The following ZFHX3 variants were observed in gnomAD, a reference collection of about 807,000 sequenced individuals.
ZFHX3 encodes the protein zinc finger homeobox protein 3.
ZFHX3 carries 42 observed loss-of-function variants against 279.1 expected under a neutral mutation model. That is an observed-to-expected ratio of 0.15 (90% CI 0.12 to 0.19). The LOEUF (loss-of-function observed/expected upper bound fraction) is 0.19. ZFHX3 is among the 10% of genes least tolerant of loss of function. ZFHX3 has a pLI of 1.00. For missense variants in ZFHX3, 4,981 were observed against 4,754.0 expected (o/e 1.05, Z -1.40); for synonymous variants, 2,293 against 1,957.8 (o/e 1.17, Z -4.52).
chr16:73,887,046 A>G (rs1258649676), intron 1 of ZFHX3, among the ~76,000 whole-genome samples: 3 of 152,210 alleles, frequency 2.0e-5, no homozygotes, highest in East Asian at 1.9e-4. Flanking sequence ...TCAAAAATCC[A>G]TATGGTCACC....
intron 5 of ZFHX3, among the ~76,000 whole-genome samples, chr16:73,219,795 A>G (rs2012347816): frequency 6.6e-6 from 1 of 152,166 alleles, no homozygotes; most frequent in South Asian, 2.1e-4. Flanking sequence ...TTTGAAAAAT[A>G]TGTTTGGAGG....
At chr16:73,562,485 A>G (rs1343491226) in intron 2 of ZFHX3, among the ~76,000 whole-genome samples, 10 of 150,808 alleles carry the variant, frequency 6.6e-5, no homozygotes, top group Non-Finnish European at 1.5e-5. Context: ...AATCCCAGCT[A>G]CTCCGGAGGC....
At chr16:73,226,302 G>A (rs1168447055) in intron 5 of ZFHX3, among the ~76,000 whole-genome samples, 2 of 152,212 alleles carry the variant, frequency 1.3e-5, no homozygotes, top group Non-Finnish European at 2.9e-5. Flanking sequence ...ATAAGACAGC[G>A]CGGAACTCTA....
chr16:73,680,932 G>A (rs1225094940), intron 1 of ZFHX3, among the ~76,000 whole-genome samples: 2 of 152,162 alleles, frequency 1.3e-5, no homozygotes. Flanking sequence ...CAGAGTATAC[G>A]GGAAAGATAC....
chr16:73,719,555 T>C (rs936933779), intron 1 of ZFHX3, among the ~76,000 whole-genome samples: 2 of 152,200 alleles, frequency 1.3e-5, no homozygotes, highest in African/African-American at 4.8e-5. Context: ...ACACCAAGAA[T>C]GATGGAAAAT....
At chr16:72,982,460 C>A (rs947815818) in intron 1 of ZFHX3, among the ~76,000 whole-genome samples, 1 of 152,116 alleles carries the variant, frequency 6.6e-6, no homozygotes, top group Non-Finnish European at 1.5e-5. Flanking sequence ...AGAATAAAGA[C>A]AGAAACCTAC....
chr16:73,257,677 C>T (rs147507076), intron 4 of ZFHX3, among the ~76,000 whole-genome samples: 88 of 152,314 alleles, frequency 5.8e-4, no homozygotes, highest in African/African-American at 1.9e-3. Flanking sequence ...CTAAGCAGTT[C>T]TTCTATTCAG....
At position 73,891,738 on chromosome 16, in the gene ZFHX3, T is replaced by TTCTCTCTCTCTCTCTCTCTCTC. The variant is rs3082344; in HGVS notation, c.-1717_-1696dup. ...GAGAACCATCCTTCAGGGTTTTTAG[T>TTCTCTCTCTCTCTCTCTCTCTC]TCTCTCTCTCTCTCTCTCTCTCTCT... On this transcript the variant is annotated 5_prime_UTR_variant, in exon 1 of 18. Coordinates refer to the ZFHX3 transcript ENST00000641206. 4.1e-4 allele frequency: 58 copies of TTCTCTCTCTCTCTCTCTCTCTC among 141,952 alleles called. 1 individual carries two copies. The highest frequency in any genetic ancestry group is 7.2e-4 in the South Asian group (3 of 4,154). 8.8% of individuals were successfully genotyped at this position (141,952 alleles called of 1,614,324 possible).
chr16:73,766,999 G>A lies in ZFHX3; in HGVS notation c.-1607-86759C>T, dbSNP rs191947585. On this transcript the variant is annotated intron_variant, in intron 1 of 17. Transcript: ENST00000641206. ...TGCCCAGGCTGGAGTGCACTGGCGC[G>A]ATCTCAGCTCAGTGCAACCTCCACC... Among the ~76,000 whole-genome samples, 959 of 148,298 alleles carry A rather than the reference G, an allele frequency of 6.5e-3. 12 individuals are homozygous for A. Among genetic ancestry groups the A allele is most frequent in the African/African-American group, 0.022 (889 of 39,994 alleles).
chr16:72,931,404 T>TACACACACACACACAC (rs59696404), intron 3 of ZFHX3, among the ~76,000 whole-genome samples: 10 of 120,164 alleles, frequency 8.3e-5, no homozygotes, highest in South Asian at 3.1e-4. Context: ...TTTATTTCAT[T>TACACACACACACACAC]ACACACACAC....
intron 1 of ZFHX3, among the ~76,000 whole-genome samples, chr16:72,984,450 G>A (rs375373274): frequency 1.3e-5 from 2 of 151,990 alleles, no homozygotes; most frequent in African/African-American, 4.8e-5. Flanking sequence ...AACACAGTGC[G>A]ACCTCGTCTC....
At chr16:73,700,114 G>A (rs186788708) in intron 1 of ZFHX3, among the ~76,000 whole-genome samples, 302 of 152,132 alleles carry the variant, frequency 2.0e-3, no homozygotes, top group African/African-American at 6.5e-3. Flanking sequence ...TCTCAGCTAC[G>A]TGAAAGGCCG....
chr16:73,410,466 G>GTT (rs1437441503), intron 3 of ZFHX3, among the ~76,000 whole-genome samples: 1 of 152,172 alleles, frequency 6.6e-6, no homozygotes, highest in Admixed American at 6.5e-5. Flanking sequence ...CGATTGAATT[G>GTT]TTTGTAATAC....
At chr16:73,509,200 T>C (rs1373078198) in intron 2 of ZFHX3, among the ~76,000 whole-genome samples, 2 of 152,210 alleles carry the variant, frequency 1.3e-5, no homozygotes, top group Admixed American at 1.3e-4. Context: ...CTTTGACAAT[T>C]ACGTTCTTTC....
At chr16:73,473,371 A>AAAAAAAAAAAAAAAAAAAAC (rs2018709703) in intron 2 of ZFHX3, among the ~76,000 whole-genome samples, 2 of 150,610 alleles carry the variant, frequency 1.3e-5, no homozygotes, top group African/African-American at 5.0e-5. Flanking sequence ...AAAAAAAAAA[A>AAAAAAAAAAAAAAAAAAAAC]ACAAAATAAT....
intron 5 of ZFHX3, among the ~76,000 whole-genome samples, chr16:73,201,908 A>T (rs1032791347): frequency 6.6e-6 from 1 of 152,208 alleles, no homozygotes. Flanking sequence ...TGCTTCCTAC[A>T]TATTGATGAA....
chr16:73,120,650 CTTTTTTTTTT>C (rs1174733016), intron 7 of ZFHX3, among the ~76,000 whole-genome samples: 1 of 110,728 alleles, frequency 9.0e-6, no homozygotes, highest in Non-Finnish European at 1.7e-5. Context: ...TCCTCTCTAC[CTTTTTTTTTT>C]TTTTTTTTTT....
chr16:72,880,125 G>A (rs2038424667), intron 4 of ZFHX3, among the ~76,000 whole-genome samples: 2 of 152,172 alleles, frequency 1.3e-5, no homozygotes, highest in Admixed American at 6.5e-5. Context: ...CCTGGTGGGC[G>A]CTGACAGTTC....
chr16:73,875,412 A>G (rs564918835), intron 1 of ZFHX3, among the ~76,000 whole-genome samples: 6 of 152,328 alleles, frequency 3.9e-5, no homozygotes, highest in African/African-American at 1.4e-4. Context: ...CTTATCAAGC[A>G]TAAAGGCATT....
Sources: gnomAD v4.1 joint callset for allele counts (sites outside exome capture counted in the v4.1 genomes callset) on GRCh38, gnomAD v4.1.1 for gene constraint, MANE v1.5 for transcripts, NCBI Gene and HGNC (gene_info 2026-07-23, HGNC 2026-07-21) for gene names.